The following ESPL1 variants were observed in gnomAD, a reference collection of about 807,000 sequenced individuals.
ESPL1 encodes the protein separin.
A neutral mutation model predicts 217.2 loss-of-function variants in ESPL1; 50 were observed. The ratio of observed to expected loss-of-function variants is 0.23; its 90% CI spans 0.18 to 0.29. ESPL1 has a LOEUF of 0.29. ESPL1 is among the 10% of genes least tolerant of loss of function. The pLI, the probability that ESPL1 is intolerant of heterozygous loss-of-function variation, is 1.00. For synonymous variants in ESPL1, 994 were observed against 1,081.3 expected (o/e 0.92, Z 1.58); for missense variants, 1,834 against 2,603.0 (o/e 0.70, Z 6.43).
Position 53,288,625 on chromosome 12 carries a change from G to A in ESPL1, c.4634G>A (p.Ser1545Asn), listed in dbSNP as rs1402551042. Residue 1545 changes from serine to asparagine, a missense_variant, in exon 20 of 31, where the codon AGC becomes AAC. Physicochemically the swap from Ser to Asn is conservative, Grantham distance 46. Transcript: ENST00000257934. ...RLDSSKKKLP[S>N]PCPDKESDKD... ...GATTCCAGCAAGAAGAAGCTGCCCA[G>A]CCCATGCCCAGACAAGGAGAGTGAC... 1 of 1,613,974 alleles carries A rather than the reference G, an allele frequency of 6.2e-7. No individual in the cohort carries two copies. Among genetic ancestry groups the A allele is most frequent in the East Asian group, 2.2e-5 (1 of 44,884 alleles).
At position 53,269,739 on chromosome 12, in the gene ESPL1, G is replaced by A. The variant is rs779382003; in HGVS notation, c.797G>A (p.Arg266His). 8 of 1,614,020 alleles carry A rather than the reference G, an allele frequency of 5.0e-6. No individual in the cohort carries two copies. Among genetic ancestry groups the A allele is most frequent in the South Asian group, 4.4e-5 (4 of 91,086 alleles). ...CACTGCCGTCGCTTTTGCTGGAGCC[G>A]CCACCATGACAAAGCCATCAGCGCA... ...LEHCRRFCWS[R>H]HHDKAISAVE... Residue 266 changes from arginine (R) to histidine (H), a missense_variant, in exon 3 of 31, where the codon CGC (arginine) becomes CAC (histidine). By Grantham distance (29) the Arg-to-His change is conservative (BLOSUM62 0). Coordinates refer to ENST00000257934, the MANE Select transcript of ESPL1 (RefSeq NM_012291.5). This position sits in a 1 kb window ranked among gnomAD's most constrained non-coding sequence, Gnocchi z 6.7.
chr12:53,284,273 A>T (rs1252596462), intron 17 of ESPL1, 106 bp downstream of exon 17: 3 of 758,686 alleles, frequency 4.0e-6, no homozygotes, highest in Non-Finnish European at 6.9e-6. Context: ...TTTGAGACAG[A>T]GTCTCACTTT....
chr12:53,288,306 T>A lies in ESPL1; in HGVS notation c.4511T>A (p.Ile1504Asn). 1 of 1,603,074 alleles carries A rather than the reference T, an allele frequency of 6.2e-7. No individual in the cohort carries two copies. Among genetic ancestry groups the A allele is most frequent in the Non-Finnish European group, 8.5e-7 (1 of 1,175,458 alleles). The change falls in exon 19 of 31, where the codon ATC becomes AAC. Residue 1504 changes from isoleucine to asparagine, a missense_variant. Physicochemically the swap from Ile to Asn is moderately radical, Grantham distance 149 (BLOSUM62 -3). Coordinates refer to ENST00000257934, the MANE Select transcript of ESPL1 (RefSeq NM_012291.5). ...TDNWRKMSFE[I>N]LRGSDGEDSA... ...AACTGGAGAAAAATGAGCTTTGAGA[T>A]CCTCAGGGGCTCTGACGGGGAAGAC...
chr12:53,283,734 G>T (rs1258687179), intron 16 of ESPL1, among the ~76,000 whole-genome samples, 196 bp downstream of exon 16: 4 of 152,206 alleles, frequency 2.6e-5, no homozygotes, highest in African/African-American at 9.7e-5. Flanking sequence ...GGACTCTCGT[G>T]TCCTTCAGTA....
Position 53,292,717 on chromosome 12 carries a change from G to A in ESPL1, c.5996+60G>A. 8 of 1,599,572 alleles carry A rather than the reference G, an allele frequency of 5.0e-6. No individual in the cohort carries two copies. The South Asian group carries it at 6.6e-5, about 13-fold the overall frequency. On this transcript the variant is annotated intron_variant, in intron 29 of 30. Transcript: ENST00000257934. The surrounding 1 kb of genome is among the most constrained non-coding windows in gnomAD (Gnocchi z 4.5). ...CAGTCCTGAGGATGGTATCACCATG[G>A]GTTGCTTTGGGACTTGAGAGCCTCT...
intron 18 of ESPL1, 87 bp from the exon 19 acceptor site, chr12:53,287,885 A>C: frequency 7.5e-7 from 1 of 1,330,796 alleles, no homozygotes. Context: ...ATGGTGCCTG[A>C]TGGTGCCTCC....
chr12:53,277,091 T>C lies in ESPL1; in HGVS notation c.1949T>C (p.Leu650Pro), dbSNP rs1421133141. ...ACATCTTCTCCCTGCAGCTCTGCTC[T>C]GGATGCTATCCGGGAAGCCCTGCAG... The part of the protein sequence containing the change: ...DFTQQTNCSA[L>P]DAIREALQLL... Residue 650 changes from leucine (L) to proline (P), a missense_variant, in exon 9 of 31, where the codon CTG becomes CCG. Leu to Pro is a moderately conservative substitution (Grantham distance 98, BLOSUM62 -3). Coordinates refer to ENST00000257934, the MANE Select transcript of ESPL1 (RefSeq NM_012291.5). The C allele has an allele frequency of 1.2e-6, 2 of 1,613,736 alleles. No homozygotes were observed. The highest frequency in any genetic ancestry group is 1.7e-6 in the Non-Finnish European group (2 of 1,179,808).
At position 53,281,610 on chromosome 12, in the gene ESPL1, A is replaced by G. The variant is rs1015533404; in HGVS notation, c.2603A>G (p.Tyr868Cys). 3 of 1,613,574 alleles carry G rather than the reference A, an allele frequency of 1.9e-6. No homozygotes were observed. Among genetic ancestry groups the G allele is most frequent in the East Asian group, 2.2e-5 (1 of 44,852 alleles). Residue 868 changes from tyrosine to cysteine, a missense_variant, in exon 13 of 31, where the codon TAC becomes TGC. Tyr to Cys is a radical substitution (Grantham distance 194, BLOSUM62 -2). Transcript: ENST00000257934. The part of the protein sequence containing the change: ...LTCDLLRSQL[Y>C]WTHQKVTKGV... ...TGTGATCTGCTTCGAAGTCAACTCTACTGGACTCACCAGAAGGTATTTCTC... is the reference window on the plus strand; with the variant it reads ...TGTGATCTGCTTCGAAGTCAACTCTGCTGGACTCACCAGAAGGTATTTCTC...
rs112476182 is a variant in ESPL1, at chr12:53,287,889, T to TG, written c.4177-82dup. On this transcript the variant is annotated intron_variant, in intron 18 of 30. Transcript: ENST00000257934. ...GGTCCTGTGTGATGGTGCCTGATGG[T>TG]GCCTCCACTACGCCACCTGCTGTCA... The TG allele has an allele frequency of 3.5e-3, 4,743 of 1,368,584 alleles. 139 individuals are homozygous for TG. The African/African-American group carries it at 0.062, about 18-fold the overall frequency. 84.8% of individuals were successfully genotyped at this position (1,368,584 alleles called of 1,614,324 possible). A position where few individuals can be genotyped will look rare whatever the true frequency, so the allele number is the denominator to read the frequency against.
At position 53,269,437 on chromosome 12, in the gene ESPL1, T is replaced by A; in HGVS notation, c.495T>A (p.Phe165Leu). The change falls in exon 3 of 31, where the codon TTT becomes TTA. Residue 165 changes from phenylalanine (F) to leucine (L), a missense_variant. By Grantham distance (22) the Phe-to-Leu change is conservative (BLOSUM62 0). This residue lies in a region of ESPL1 where 746 missense variants were observed against 1,077.0 expected (regional missense o/e 0.69). Coordinates refer to ENST00000257934, the MANE Select transcript of ESPL1 (RefSeq NM_012291.5). The surrounding 1 kb of genome is among the most constrained non-coding windows in gnomAD (Gnocchi z 6.7). ...AEALLERRAA[F>L]AARLKALSFL... Reference sequence around the variant, plus strand: ...CCCTGTTGGAACGGCGAGCTGCATTTGCAGCTCGGCTGAAGGCCTTGAGCT... The same window carrying A: ...CCCTGTTGGAACGGCGAGCTGCATTAGCAGCTCGGCTGAAGGCCTTGAGCT... The A allele has an allele frequency of 6.2e-7, 1 of 1,614,030 alleles. No homozygotes were observed. The highest frequency in any genetic ancestry group is 8.5e-7 in the Non-Finnish European group (1 of 1,180,012).
At position 53,277,065 on chromosome 12, in the gene ESPL1, C is replaced by T. The variant is rs1406567911; in HGVS notation, c.1941-18C>T. The T allele has an allele frequency of 6.2e-7, 1 of 1,607,480 alleles. No individual in the cohort carries two copies. The highest frequency in any genetic ancestry group is 1.7e-5 in the Admixed American group (1 of 59,652). ...ATACTCATAGTAGGCCCAGCTTAAG[C>T]ACATCTTCTCCCTGCAGCTCTGCTC... is the stretch of plus-strand genomic sequence containing the variant. On this transcript the variant is annotated intron_variant, in intron 8 of 30. Coordinates refer to ENST00000257934, the MANE Select transcript of ESPL1 (RefSeq NM_012291.5).
Position 53,270,376 on chromosome 12 carries a change from A to G in ESPL1, c.1144-2A>G. 6.2e-7 allele frequency: 1 copy of G among 1,603,100 alleles called. No homozygotes were observed. Among genetic ancestry groups the G allele is most frequent in the Non-Finnish European group, 8.5e-7 (1 of 1,170,118 alleles). The stretch of plus-strand genomic sequence containing the variant: ...ATACCAACCTTCCGCTTCCTTCCTC[A>G]GGTGTATGGGGGCTCCTCCAAGCAA... On this transcript the variant is annotated splice_acceptor_variant, in intron 3 of 30. Transcript: ENST00000257934. LOFTEE classifies it high-confidence loss of function.
Position 53,293,111 on chromosome 12 carries a change from T to C in ESPL1, c.6161+141T>C, listed in dbSNP as rs1944090781. ...TTAGTTCCCTGGCATGCCTGGACCA[T>C]TAACCCTTAGCTCCCTTCTGTTCTT... On this transcript the variant is annotated intron_variant, in intron 30 of 30. Coordinates refer to ENST00000257934, the MANE Select transcript of ESPL1 (RefSeq NM_012291.5). The surrounding 1 kb of genome is among the most constrained non-coding windows in gnomAD (Gnocchi z 4.2). 7.1e-6 allele frequency: 7 copies of C among 990,868 alleles called. No homozygotes were observed. The highest frequency in any genetic ancestry group is 1.1e-5 in the Non-Finnish European group (7 of 665,696). The allele number at this position is 990,868 out of a possible 1,614,324, so 61.4% of individuals were successfully genotyped here. A position where few individuals can be genotyped will look rare whatever the true frequency, so the allele number is the denominator to read the frequency against.
At chr12:53,279,915 T>C (rs1361315769) in intron 12 of ESPL1, 49 bp downstream of exon 12, 1 of 1,499,746 alleles carries the variant, frequency 6.7e-7, no homozygotes, top group Non-Finnish European at 8.9e-7. Flanking sequence ...GCCCGTAGCT[T>C]TAGAGGCCCA....
At chr12:53,274,752 T>A in intron 6 of ESPL1, 65 bp from the exon 7 acceptor site, 1 of 1,360,596 alleles carries the variant, frequency 7.3e-7, no homozygotes, top group Non-Finnish European at 1.0e-6. Context: ...TGCATGCATA[T>A]CCCCTTCCAC....
Position 53,291,581 on chromosome 12 carries a change from ACT to A in ESPL1, c.5521-106_5521-105del, listed in dbSNP as rs532012679. 8.8e-4 allele frequency: 1,069 copies of A among 1,212,864 alleles called. 5 individuals are homozygous for A. The African/African-American group carries it at 0.012, about 14-fold the overall frequency. 75.1% of individuals were successfully genotyped at this position (1,212,864 alleles called of 1,614,324 possible). The stretch of plus-strand genomic sequence containing the variant: ...ACTCCAGCCTGGGCGACAGAGCAAG[ACT>A]CTGTCAAAAAAAAAAGAAAACAGGG... On this transcript the variant is annotated intron_variant, in intron 25 of 30. Coordinates refer to ENST00000257934, the MANE Select transcript of ESPL1 (RefSeq NM_012291.5).
At chr12:53,289,724 C>G (rs1017899799) in intron 22 of ESPL1, 130 bp downstream of exon 22, 22 of 743,916 alleles carry the variant, frequency 3.0e-5, no homozygotes, top group Non-Finnish European at 4.7e-5. Context: ...ACCTTTTCAC[C>G]TGTTAGCATC....
chr12:53,271,442 G>C (rs1943673139), intron 5 of ESPL1, among the ~76,000 whole-genome samples: 1 of 152,036 alleles, frequency 6.6e-6, no homozygotes, highest in Middle Eastern at 3.4e-3. Context: ...GGCTGGTCTT[G>C]AACTCCTGGA....
At chr12:53,287,947 C>T in intron 18 of ESPL1, 25 bp from the exon 19 acceptor site, 1 of 1,562,250 alleles carries the variant, frequency 6.4e-7, no homozygotes, top group East Asian at 2.2e-5. Flanking sequence ...CCTCTTAGCC[C>T]TTCACCCTTT....
Sources: gnomAD v4.1 joint callset for allele counts (sites outside exome capture counted in the v4.1 genomes callset) on GRCh38, gnomAD v4.1.1 for gene constraint, gnomAD v4.1.1 regional missense constraint, Gnocchi (gnomAD v3.1) non-coding constraint, MANE v1.5 for transcripts, NCBI Gene and HGNC (gene_info 2026-07-23, HGNC 2026-07-21) for gene names.